The following SOX6 variants were observed in gnomAD, a reference collection of about 807,000 sequenced individuals.
SOX6 encodes the protein SRY-box transcription factor 6.
A neutral mutation model predicts 97.8 loss-of-function variants in SOX6; 11 were observed. That is an observed-to-expected ratio of 0.11 (90% CI 0.07 to 0.19). SOX6 has a LOEUF of 0.19. Among genes scored for constraint, SOX6 ranks in the 10% least tolerant of loss-of-function variants. SOX6 has a pLI of 1.00. For missense variants in SOX6, 810 were observed against 1,039.5 expected (o/e 0.78, Z 3.04); for synonymous variants, 360 against 371.4 (o/e 0.97, Z 0.35).
At chr11:16,228,773 A>C (rs1205683293) in intron 4 of SOX6, among the ~76,000 whole-genome samples, 1 of 152,166 alleles carries the variant, frequency 6.6e-6, no homozygotes, top group African/African-American at 2.4e-5. Context: ...CATGCTGTCC[A>C]CCTTACATAT....
intron 4 of SOX6, among the ~76,000 whole-genome samples, chr11:16,499,635 C>G (rs186454224): frequency 8.5e-4 from 129 of 152,272 alleles, no homozygotes; most frequent in Non-Finnish European, 1.3e-3. Context: ...AATATCACCA[C>G]CGATCCCACA....
chr11:16,141,382 G>A (rs914717857), intron 6 of SOX6, among the ~76,000 whole-genome samples: 4 of 152,022 alleles, frequency 2.6e-5, no homozygotes, highest in Admixed American at 6.6e-5. Flanking sequence ...TAGAACCAAC[G>A]GCAGTTCCAA....
intron 3 of SOX6, among the ~76,000 whole-genome samples, chr11:16,618,514 A>T (rs1311226176): frequency 6.6e-6 from 1 of 152,086 alleles, no homozygotes; most frequent in African/African-American, 2.4e-5. Context: ...AGAAGAAAAG[A>T]TAAACATATG....
intron 4 of SOX6, among the ~76,000 whole-genome samples, chr11:16,589,815 A>G (rs1386932945): frequency 9.9e-5 from 15 of 152,180 alleles, no homozygotes; most frequent in African/African-American, 3.6e-4. Context: ...ATATAAATCT[A>G]TATTGCTGCA....
At chr11:16,126,623 T>C (rs1410549470) in intron 6 of SOX6, among the ~76,000 whole-genome samples, 1 of 152,144 alleles carries the variant, frequency 6.6e-6, no homozygotes, top group Non-Finnish European at 1.5e-5. Flanking sequence ...TTTGTTTATG[T>C]TGTACCAGCA....
At chr11:16,678,475 G>C (rs543351467) in intron 3 of SOX6, among the ~76,000 whole-genome samples, 2 of 152,064 alleles carry the variant, frequency 1.3e-5, no homozygotes, top group Non-Finnish European at 2.9e-5. Context: ...ATCTGAAACC[G>C]GTACCACTTC....
At chr11:16,654,338 T>G (rs111832963) in intron 3 of SOX6, among the ~76,000 whole-genome samples, 1 of 152,014 alleles carries the variant, frequency 6.6e-6, no homozygotes, top group Non-Finnish European at 1.5e-5. Flanking sequence ...TTGGCTAATT[T>G]TGTGTGTGTG....
At chr11:16,638,480 T>C (rs528925184) in intron 3 of SOX6, among the ~76,000 whole-genome samples, 118 of 152,308 alleles carry the variant, frequency 7.7e-4, no homozygotes, top group Middle Eastern at 3.4e-3. Context: ...TCTAGATCCC[T>C]GAGGAATCAC....
intron 4 of SOX6, among the ~76,000 whole-genome samples, chr11:16,564,744 T>C (rs1366701405): frequency 6.6e-6 from 1 of 151,830 alleles, no homozygotes; most frequent in Non-Finnish European, 1.5e-5. Context: ...GAAATTTTTT[T>C]AAAAAAAGAA....
At chr11:16,367,985 C>T (rs768437956) in intron 1 of SOX6, among the ~76,000 whole-genome samples, 6 of 152,064 alleles carry the variant, frequency 3.9e-5, no homozygotes, top group Non-Finnish European at 8.8e-5. Flanking sequence ...TATAACAAAA[C>T]ATTATTAATC....
Position 15,972,524 on chromosome 11 carries a change from A to G in SOX6, c.*285T>C. On this transcript the variant is annotated 3_prime_UTR_variant, in exon 16 of 16. Coordinates refer to ENST00000683767, the MANE Select transcript of SOX6 (RefSeq NM_001367873.1). ...AGTAAGACAAAAATATAAGACTTGT[A>G]AGACATCTACGGGTTGAGATAAGTT... 2.2e-6 allele frequency: 1 copy of G among 450,682 alleles called. No individual in the cohort carries two copies. The highest frequency in any genetic ancestry group is 2.7e-5 in the South Asian group (1 of 36,816). 27.9% of individuals were successfully genotyped at this position (450,682 alleles called of 1,614,324 possible). A position where few individuals can be genotyped will look rare whatever the true frequency, so the allele number is the denominator to read the frequency against.
intron 4 of SOX6, among the ~76,000 whole-genome samples, chr11:16,511,662 C>T (rs774506336): frequency 1.3e-5 from 2 of 152,080 alleles, no homozygotes; most frequent in Non-Finnish European, 2.9e-5. Flanking sequence ...TGAATCAGAG[C>T]AAGGTGACTC....
At chr11:16,340,886 T>C (rs1408644507) in intron 2 of SOX6, 126 bp downstream of exon 2, 1 of 1,316,180 alleles carries the variant, frequency 7.6e-7, no homozygotes, top group Non-Finnish European at 1.1e-6. Flanking sequence ...AATATGTACC[T>C]GGTAGTTGTT....
intron 13 of SOX6, among the ~76,000 whole-genome samples, chr11:16,004,657 T>C (rs1313826505): frequency 2.0e-5 from 3 of 151,978 alleles, no homozygotes; most frequent in Admixed American, 6.6e-5. Context: ...TTTAAAGGAT[T>C]AAAAACACTT....
intron 1 of SOX6, among the ~76,000 whole-genome samples, chr11:16,400,595 T>TA (rs1281723556): frequency 6.6e-6 from 1 of 151,524 alleles, no homozygotes; most frequent in East Asian, 1.9e-4. Flanking sequence ...ACTATTAACA[T>TA]AAAAAAATCA....
intron 4 of SOX6, among the ~76,000 whole-genome samples, chr11:16,514,723 A>G (rs1457110406): frequency 8.3e-6 from 1 of 121,200 alleles, no homozygotes; most frequent in East Asian, 2.5e-4. Flanking sequence ...CAGTCCCCAG[A>G]GTGTGATGTT....
intron 4 of SOX6, among the ~76,000 whole-genome samples, chr11:16,204,894 A>G (rs1387550295): frequency 6.6e-6 from 1 of 152,156 alleles, no homozygotes; most frequent in Non-Finnish European, 1.5e-5. Flanking sequence ...AGTTAGGACT[A>G]GAACCTAGAA....
chr11:16,296,652 C>T (rs994684726), intron 3 of SOX6, among the ~76,000 whole-genome samples: 8 of 151,992 alleles, frequency 5.3e-5, no homozygotes, highest in African/African-American at 1.7e-4. Flanking sequence ...AGAGAAGAAA[C>T]GGCAAGTGGC....
intron 3 of SOX6, chr11:16,311,905 G>A (rs139371273): frequency 2.1e-4 from 32 of 152,210 alleles, no homozygotes; most frequent in African/African-American, 7.5e-4. Flanking sequence ...AAATACAAAT[G>A]ATTGTTTAGA....
Sources: gnomAD v4.1 joint callset for allele counts (sites outside exome capture counted in the v4.1 genomes callset) on GRCh38, gnomAD v4.1.1 for gene constraint, MANE v1.5 for transcripts, NCBI Gene and HGNC (gene_info 2026-07-23, HGNC 2026-07-21) for gene names.